The following DCSTAMP variants were observed in gnomAD, a reference collection of about 807,000 sequenced individuals.
The protein encoded by DCSTAMP is dendritic cell-specific transmembrane protein.
DCSTAMP carries 25 observed loss-of-function variants against 33.8 expected under a neutral mutation model. The ratio of observed to expected loss-of-function variants is 0.74; its 90% CI spans 0.54 to 1.03. The LOEUF (loss-of-function observed/expected upper bound fraction) is 1.03. DCSTAMP is among the 50% of genes least tolerant of loss of function. The pLI, the probability that DCSTAMP is intolerant of heterozygous loss-of-function variation, is 0.00. For synonymous variants in DCSTAMP, 245 were observed against 216.7 expected, an observed-to-expected ratio of 1.13 and a Z score of -1.15; for missense variants, 531 against 556.8, an observed-to-expected ratio of 0.95 and a Z score of 0.47.
At chr8:104,341,143 C>T (rs2099382752) in intron 1 of DCSTAMP, among the ~76,000 whole-genome samples, 1 of 152,230 alleles carries the variant, frequency 6.6e-6, no homozygotes, top group African/African-American at 2.4e-5. Flanking sequence ...CTTCCTCCCA[C>T]ACTTTCAATA....
At chr8:104,354,809 T>C in intron 2 of DCSTAMP, 68 bp from the exon 3 acceptor site, 1 of 1,043,472 alleles carries the variant, frequency 9.6e-7, no homozygotes, top group Non-Finnish European at 1.4e-6. Context: ...TGCAGGGAAG[T>C]ACTGAGAAAG....
At chr8:104,344,232 ATTTAAC>A (rs1445390291) in intron 1 of DCSTAMP, among the ~76,000 whole-genome samples, 1 of 152,196 alleles carries the variant, frequency 6.6e-6, no homozygotes, top group Non-Finnish European at 1.5e-5. Flanking sequence ...CCAGTTATTT[ATTTAAC>A]TTTAAGTAAT....
intron 2 of DCSTAMP, among the ~76,000 whole-genome samples, chr8:104,352,769 C>T (rs894444394): frequency 2.6e-5 from 4 of 152,142 alleles, no homozygotes; most frequent in African/African-American, 7.2e-5. Flanking sequence ...CATGAACACA[C>T]GTGAAACAGT....
In DCSTAMP at chr8:104,349,346, G is replaced by A; in HGVS notation, c.794G>A (p.Cys265Tyr). ...DERERHQQRP[C>Y]VLPLNKEERR... ...AGGGAGAGACATCAACAGAGGCCCT[G>A]TGTGCTCCCGCTGAATAAGGAGGAA... The change falls in exon 2 of 4, where the codon TGT (cysteine) becomes TAT (tyrosine). Residue 265 changes from cysteine to tyrosine, a missense_variant. Physicochemically the swap from Cys to Tyr is radical, Grantham distance 194. Transcript: ENST00000297581. 1 of 1,614,188 alleles carries A rather than the reference G, an allele frequency of 6.2e-7. No homozygotes were observed. The highest frequency in any genetic ancestry group is 1.1e-5 in the South Asian group (1 of 91,084).
chr8:104,349,604 A>G, intron 2 of DCSTAMP, 23 bp downstream of exon 2: 1 of 1,587,184 alleles, frequency 6.3e-7, no homozygotes, highest in Non-Finnish European at 8.6e-7. Flanking sequence ...GGTACTTCTC[A>G]TGGTTTATCC....
chr8:104,353,322 A>G (rs1810519857), intron 2 of DCSTAMP, among the ~76,000 whole-genome samples: 1 of 152,178 alleles, frequency 6.6e-6, no homozygotes, highest in African/African-American at 2.4e-5. Flanking sequence ...GGAAGAATTA[A>G]TTTGTCTTCC....
intron 2 of DCSTAMP, among the ~76,000 whole-genome samples, chr8:104,351,796 T>C (rs991302622): frequency 1.3e-5 from 2 of 152,198 alleles, no homozygotes; most frequent in African/African-American, 4.8e-5. Flanking sequence ...AGGTTTTTTT[T>C]CATCACCATC....
intron 2 of DCSTAMP, among the ~76,000 whole-genome samples, chr8:104,349,993 C>G (rs143548824): frequency 1.3e-5 from 2 of 152,212 alleles, no homozygotes; most frequent in African/African-American, 4.8e-5. Context: ...CGTCTCTGCT[C>G]TGTCATCGCA....
intron 2 of DCSTAMP, among the ~76,000 whole-genome samples, chr8:104,352,644 C>T (rs982987378): frequency 6.6e-6 from 1 of 152,064 alleles, no homozygotes; most frequent in African/African-American, 2.4e-5. Context: ...ACCCAGCTTT[C>T]CAATGACAAT....
intron 1 of DCSTAMP, among the ~76,000 whole-genome samples, chr8:104,347,225 A>G (rs6992194): frequency 6.6e-6 from 1 of 152,332 alleles, no homozygotes; most frequent in East Asian, 1.9e-4. Context: ...AAAAGAAAAG[A>G]TGATTATCTC....
intron 3 of DCSTAMP, 37 bp from the exon 4 acceptor site, chr8:104,356,087 C>G: frequency 1.3e-6 from 2 of 1,585,260 alleles, no homozygotes; most frequent in East Asian, 2.3e-5. Flanking sequence ...ATGACTCCAA[C>G]TCCAATGCCC....
chr8:104,352,695 G>A (rs955050427), intron 2 of DCSTAMP, among the ~76,000 whole-genome samples: 4 of 152,174 alleles, frequency 2.6e-5, no homozygotes, highest in Admixed American at 2.0e-4. Context: ...GGCTCCTGGG[G>A]GCACAAAGAT....
intron 1 of DCSTAMP, among the ~76,000 whole-genome samples, chr8:104,344,675 TATG>T (rs778527522): frequency 2.0e-5 from 3 of 152,174 alleles, no homozygotes; most frequent in Admixed American, 6.5e-5. Context: ...AGCTCTGAGG[TATG>T]ATTCCCTCCA....
At chr8:104,347,888 G>A (rs1810354260) in intron 1 of DCSTAMP, among the ~76,000 whole-genome samples, 1 of 152,164 alleles carries the variant, frequency 6.6e-6, no homozygotes, top group Non-Finnish European at 1.5e-5. Context: ...CAGATTATCT[G>A]GGTGGGCCCA....
chr8:104,356,296 C>T lies in DCSTAMP; in HGVS notation c.*98C>T, dbSNP rs1296464808. On this transcript the variant is annotated 3_prime_UTR_variant, in exon 4 of 4. Transcript: ENST00000297581. ...TGCCGGATAATAGAGAACTATGTGACGCAGTCCTCTCAGGAGTCTGAGTTT... is the reference window on the plus strand; with the variant it reads ...TGCCGGATAATAGAGAACTATGTGATGCAGTCCTCTCAGGAGTCTGAGTTT... The T allele has an allele frequency of 9.8e-6, 12 of 1,220,582 alleles. No individual in the cohort carries two copies. The highest frequency in any genetic ancestry group is 8.4e-5 in the Admixed American group (3 of 35,826). The allele number at this position is 1,220,582 out of a possible 1,614,324, so 75.6% of individuals were successfully genotyped here.
At chr8:104,346,349 C>T (rs975580091) in intron 1 of DCSTAMP, among the ~76,000 whole-genome samples, 4 of 152,248 alleles carry the variant, frequency 2.6e-5, no homozygotes, top group African/African-American at 4.8e-5. Flanking sequence ...ATCCTGCCCT[C>T]TGCCCACCTG....
intron 1 of DCSTAMP, among the ~76,000 whole-genome samples, chr8:104,346,623 C>A (rs1444028340): frequency 1.3e-5 from 2 of 152,230 alleles, no homozygotes; most frequent in African/African-American, 4.8e-5. Flanking sequence ...CTGCTAAGGC[C>A]AGTTCCACAT....
intron 1 of DCSTAMP, among the ~76,000 whole-genome samples, chr8:104,343,612 A>G (rs2458414): frequency 0.44 from 66,892 of 152,162 alleles, 16,650 homozygotes; most frequent in Non-Finnish European, 0.57. Flanking sequence ...TAGTGTCCCT[A>G]TAAGAAGAGG....
intron 1 of DCSTAMP, among the ~76,000 whole-genome samples, chr8:104,345,746 C>T (rs531013134): frequency 6.6e-6 from 1 of 152,144 alleles, no homozygotes; most frequent in South Asian, 2.1e-4. Flanking sequence ...AGGAAGGAAG[C>T]AAAATGGTGC....
Sources: gnomAD v4.1 joint callset for allele counts (sites outside exome capture counted in the v4.1 genomes callset) on GRCh38, gnomAD v4.1.1 for gene constraint, MANE v1.5 for transcripts, NCBI Gene and HGNC (gene_info 2026-07-23, HGNC 2026-07-21) for gene names.